The following DLG2 variants were observed in gnomAD, a reference collection of about 807,000 sequenced individuals.
DLG2 encodes the protein discs large MAGUK scaffold protein 2.
Under a neutral mutation model 132.5 loss-of-function variants are expected in DLG2, and 45 were observed. That is an observed-to-expected ratio of 0.34 (90% CI 0.27 to 0.44). DLG2 has a LOEUF of 0.44. Ranked by LOEUF, DLG2 falls within the 20% of genes least tolerant of loss-of-function variation. DLG2 has a pLI of 1.00. For synonymous variants in DLG2, 424 were observed against 419.6 expected (o/e 1.01, Z -0.13); for missense variants, 1,045 against 1,196.9 (o/e 0.87, Z 1.87).
At chr11:85,485,046 T>C (rs1237561400) in intron 3 of DLG2, among the ~76,000 whole-genome samples, 1 of 152,190 alleles carries the variant, frequency 6.6e-6, no homozygotes, top group East Asian at 1.9e-4. Context: ...GTTCATGTCC[T>C]TTGTAGGGAC....
intron 15 of DLG2, among the ~76,000 whole-genome samples, chr11:83,929,183 G>C (rs1049560530): frequency 5.9e-5 from 9 of 152,112 alleles, no homozygotes; most frequent in East Asian, 1.9e-4. Flanking sequence ...AACTCTCCTA[G>C]AGAGAACAGT....
intron 3 of DLG2, among the ~76,000 whole-genome samples, chr11:85,583,183 T>C (rs1448662084): frequency 1.5e-5 from 2 of 133,218 alleles, no homozygotes; most frequent in South Asian, 4.9e-4. Context: ...TTGTTTGTTT[T>C]TAAACAGGGT....
intron 7 of DLG2, among the ~76,000 whole-genome samples, chr11:84,316,582 G>C (rs1356151293): frequency 6.6e-6 from 1 of 152,086 alleles, no homozygotes; most frequent in Non-Finnish European, 1.5e-5. Flanking sequence ...TATAACCTGA[G>C]GACTAGAGAA....
chr11:85,132,684 CA>C (rs1413596639), intron 5 of DLG2: 2 of 455,482 alleles, frequency 4.4e-6, no homozygotes, highest in African/African-American at 4.0e-5. Flanking sequence ...GAACTGGCAG[CA>C]CCTACTAGAA....
chr11:85,080,070 A>G (rs1310327359), intron 6 of DLG2, among the ~76,000 whole-genome samples: 1 of 152,108 alleles, frequency 6.6e-6, no homozygotes, highest in Non-Finnish European at 1.5e-5. Flanking sequence ...CTATGTGTCT[A>G]TCCTTGATTT....
In DLG2 at chr11:84,781,305, C is replaced by T. The variant is rs144868140; in HGVS notation, c.358-246574G>A. Among the ~76,000 whole-genome samples the T allele has an allele frequency of 4.1e-4, 63 of 152,088 alleles. No homozygotes were observed. In the East Asian group the frequency reaches 0.01, roughly 25 times the overall value. ...AACACAGATATTTTAGTAGTTTTGA[C>T]ATACCAAACATATATTTTCTGGAAT... On this transcript the variant is annotated intron_variant, in intron 6 of 27. Coordinates refer to ENST00000376104, the MANE Select transcript of DLG2 (RefSeq NM_001142699.3).
chr11:83,947,419 C>T (rs1026280748), intron 14 of DLG2, among the ~76,000 whole-genome samples: 1 of 152,108 alleles, frequency 6.6e-6, no homozygotes, highest in Non-Finnish European at 1.5e-5. Flanking sequence ...GTCACAAAAT[C>T]TATTCTTAAT....
intron 6 of DLG2, among the ~76,000 whole-genome samples, chr11:84,754,032 A>G (rs1391536193): frequency 6.6e-6 from 1 of 152,202 alleles, no homozygotes; most frequent in Non-Finnish European, 1.5e-5. Flanking sequence ...GCAGGGAGAA[A>G]AGCTTAACCA....
intron 7 of DLG2, among the ~76,000 whole-genome samples, chr11:84,373,260 A>AC (rs1162642427): frequency 9.7e-6 from 1 of 102,894 alleles, no homozygotes; most frequent in African/African-American, 3.4e-5. Context: ...AAAAAAAAAA[A>AC]AAAACAAAAC....
At chr11:83,498,394 A>C (rs945088063) in intron 21 of DLG2, among the ~76,000 whole-genome samples, 54 of 152,184 alleles carry the variant, frequency 3.5e-4, no homozygotes, top group African/African-American at 1.3e-3. Context: ...ACTCAGTAAC[A>C]TAAAGGAATT....
At chr11:83,505,503 G>C (rs964354886) in intron 21 of DLG2, among the ~76,000 whole-genome samples, 4 of 152,192 alleles carry the variant, frequency 2.6e-5, no homozygotes, top group African/African-American at 7.2e-5. Flanking sequence ...CCTCTGCTGA[G>C]GTCACCCATT....
At chr11:85,323,681 T>A (rs534046731) in intron 3 of DLG2, among the ~76,000 whole-genome samples, 6 of 152,358 alleles carry the variant, frequency 3.9e-5, no homozygotes, top group Admixed American at 2.0e-4. Context: ...CAGCTTCTAA[T>A]AAGCATCATA....
At chr11:84,799,091 C>A (rs2075047787) in intron 6 of DLG2, among the ~76,000 whole-genome samples, 1 of 152,194 alleles carries the variant, frequency 6.6e-6, no homozygotes, top group African/African-American at 2.4e-5. Context: ...TCACACATTG[C>A]CCCAGTCCAC....
Position 85,365,057 on chromosome 11 carries a change from A to C in DLG2, c.41-79692T>G, listed in dbSNP as rs572782274. 2.0e-5 allele frequency among the ~76,000 whole-genome samples: 3 copies of C among 152,260 alleles called. No homozygotes were observed. The East Asian group carries it at 5.8e-4, about 29-fold the overall frequency. ...AAAATGTAAGAATATAAGGCCAAAA[A>C]ACATGAAATAAGTTTCCTAACACCA... On this transcript the variant is annotated intron_variant, in intron 3 of 27. Transcript: ENST00000376104.
chr11:83,675,018 G>A (rs2077445136), intron 18 of DLG2, among the ~76,000 whole-genome samples: 1 of 152,200 alleles, frequency 6.6e-6, no homozygotes, highest in Non-Finnish European at 1.5e-5. Flanking sequence ...GCTTGTGATA[G>A]AAAGTAAATA....
At chr11:83,781,429 G>T (rs976258145) in intron 18 of DLG2, among the ~76,000 whole-genome samples, 5 of 152,108 alleles carry the variant, frequency 3.3e-5, no homozygotes, top group African/African-American at 9.7e-5. Flanking sequence ...GAACCATGTG[G>T]TCACTCTGCC....
At chr11:84,190,253 T>C (rs1435790888) in intron 8 of DLG2, among the ~76,000 whole-genome samples, 1 of 151,920 alleles carries the variant, frequency 6.6e-6, no homozygotes, top group Non-Finnish European at 1.5e-5. Context: ...TGGCTCAGCA[T>C]ACATAAAGAC....
At chr11:83,471,492 C>G (rs1160356470) in intron 24 of DLG2, 134 bp downstream of exon 24, 2 of 627,420 alleles carry the variant, frequency 3.2e-6, no homozygotes, top group Non-Finnish European at 2.8e-6. Flanking sequence ...TTAAATAAGG[C>G]ACTCAGCTAA....
Position 84,083,546 on chromosome 11 carries a change from G to A in DLG2, c.749+15377C>T, listed in dbSNP as rs371143054. Among the ~76,000 whole-genome samples the A allele has an allele frequency of 4.6e-5, 7 of 152,292 alleles. No individual in the cohort carries two copies. The East Asian group carries it at 5.8e-4, about 13-fold the overall frequency. ...CTAATAACAGGTGATTGGGTCATTC[G>A]GGCAGAGTCCTCATAAATGGATTAA... On this transcript the variant is annotated intron_variant, in intron 10 of 27. Coordinates refer to ENST00000376104, the MANE Select transcript of DLG2 (RefSeq NM_001142699.3).
Sources: allele counts gnomAD v4.1 joint callset (sites outside exome capture counted in the v4.1 genomes callset), GRCh38; gene constraint gnomAD v4.1.1; transcripts MANE v1.5; gene names NCBI Gene and HGNC (gene_info 2026-07-23, HGNC 2026-07-21).